OVCH1: variants seen among roughly 807,000 people sequenced by gnomAD.
OVCH1 encodes the protein ovochymase-1.
Under a neutral mutation model 138.4 loss-of-function variants are expected in OVCH1, and 139 were observed. That is an observed-to-expected ratio of 1.00 (90% CI 0.87 to 1.16). The LOEUF is 1.16. OVCH1 is among the 50% of genes most tolerant of loss of function. The pLI, the probability that OVCH1 is intolerant of heterozygous loss-of-function variation, is 0.00. For missense variants in OVCH1, 1,367 were observed against 1,357.9 expected, an observed-to-expected ratio of 1.01 and a Z score of -0.11; for synonymous variants, 453 against 467.8, an observed-to-expected ratio of 0.97 and a Z score of 0.41.
chr12:29,430,942 C>A (rs1592032064), intron 27 of OVCH1: 1 of 515,884 alleles, frequency 1.9e-6, no homozygotes, highest in East Asian at 5.5e-5. Context: ...TGAGTCCAGG[C>A]AGAAACGGTT....
At chr12:29,454,872 G>C in exon 21 of OVCH1, 1 of 1,612,526 alleles carries the variant, frequency 6.2e-7, no homozygotes, top group Non-Finnish European at 8.5e-7. Flanking sequence ...GTGAAGGTGT[G>C]GGTGGTGGCA....
At chr12:29,409,625 A>C (rs1037513650), downstream of OVCH1, among the ~76,000 whole-genome samples, 1 of 151,972 alleles carries the variant, frequency 6.6e-6, no homozygotes, top group Non-Finnish European at 1.5e-5. Flanking sequence ...GTTTTGAGTG[A>C]GTTTCTTAAT....
intron 27 of OVCH1, among the ~76,000 whole-genome samples, chr12:29,432,754 A>G (rs1028253052): frequency 6.6e-6 from 1 of 152,130 alleles, no homozygotes; most frequent in African/African-American, 2.4e-5. Flanking sequence ...GTCCTGGGAT[A>G]CCTCAACTGA....
chr12:29,418,881 T>A (rs1941065577), intron 3 of OVCH1, among the ~76,000 whole-genome samples: 1 of 152,220 alleles, frequency 6.6e-6, no homozygotes, highest in Admixed American at 6.5e-5. Context: ...GAATTAGAGA[T>A]ATGGTATTGC....
At chr12:29,464,612 G>C (rs1942253384) in exon 18 of OVCH1, 4 of 1,613,574 alleles carry the variant, frequency 2.5e-6, no homozygotes, top group Non-Finnish European at 3.4e-6. Context: ...TTGTACTCCA[G>C]AGGAGAGCTT....
chr12:29,484,453 A>G (rs4244847), intron 8 of OVCH1, among the ~76,000 whole-genome samples: 89,194 of 152,002 alleles, frequency 0.59, 26,688 homozygotes, highest in East Asian at 0.74. Context: ...AATATCAGAT[A>G]AAATAGATAC....
At chr12:29,429,320 G>A (rs1017530041) in intron 27 of OVCH1, among the ~76,000 whole-genome samples, 1 of 152,176 alleles carries the variant, frequency 6.6e-6, no homozygotes, top group African/African-American at 2.4e-5. Flanking sequence ...AAAAAGTCAA[G>A]ACAAGCCAGG....
At chr12:29,423,822 C>T (rs559440246), downstream of OVCH1, among the ~76,000 whole-genome samples, 42 of 152,318 alleles carry the variant, frequency 2.8e-4, no homozygotes, top group South Asian at 2.5e-3. Context: ...TTAATCTCTA[C>T]ATCGTCCTTA....
chr12:29,462,872 T>C (rs11050241), intron 18 of OVCH1, among the ~76,000 whole-genome samples: 45,784 of 152,052 alleles, frequency 0.3, 8,256 homozygotes, highest in Middle Eastern at 0.5. Context: ...TGCATTCTTC[T>C]TAATATACTA....
chr12:29,411,578 T>C (rs1049381704), downstream of OVCH1, among the ~76,000 whole-genome samples: 1 of 152,146 alleles, frequency 6.6e-6, no homozygotes, highest in African/African-American at 2.4e-5. Context: ...CTCCAGACCC[T>C]GTTTGCCTGG....
At chr12:29,414,418 A>C (rs1478736614) in intron 3 of OVCH1, among the ~76,000 whole-genome samples, 1 of 152,182 alleles carries the variant, frequency 6.6e-6, no homozygotes, top group Non-Finnish European at 1.5e-5. Context: ...CAATTGATTA[A>C]ATCCCACTGA....
chr12:29,470,466 T>TGG (rs1942466117), intron 16 of OVCH1, among the ~76,000 whole-genome samples: 1 of 152,088 alleles, frequency 6.6e-6, no homozygotes, highest in Non-Finnish European at 1.5e-5. Flanking sequence ...AGAACATGCA[T>TGG]TGTTTGGTTT....
chr12:29,461,228 T>G (rs1020054916), intron 19 of OVCH1, among the ~76,000 whole-genome samples: 3 of 152,200 alleles, frequency 2.0e-5, no homozygotes, highest in African/African-American at 7.2e-5. Context: ...AACCAGGGAT[T>G]GGAGGTAGGC....
At chr12:29,418,583 T>C (rs1352846283) in intron 3 of OVCH1, among the ~76,000 whole-genome samples, 1 of 152,198 alleles carries the variant, frequency 6.6e-6, no homozygotes, top group African/African-American at 2.4e-5. Flanking sequence ...GTTCAAAATA[T>C]AGAAGAGTTA....
intron 21 of OVCH1, among the ~76,000 whole-genome samples, chr12:29,453,716 A>T (rs1245110629): frequency 6.6e-6 from 1 of 152,000 alleles, no homozygotes; most frequent in African/African-American, 2.4e-5. Context: ...ACTTTTTCAC[A>T]TACACTCTGA....
chr12:29,462,590 AT>A (rs1396059808), intron 18 of OVCH1, among the ~76,000 whole-genome samples: 1 of 152,034 alleles, frequency 6.6e-6, no homozygotes, highest in East Asian at 1.9e-4. Context: ...TCATCCTATC[AT>A]TTTAGATTTA....
intron 22 of OVCH1, among the ~76,000 whole-genome samples, chr12:29,448,317 C>A (rs976007016): frequency 4.0e-5 from 6 of 151,354 alleles, no homozygotes. Flanking sequence ...TAGTGGTCTG[C>A]GGCCCGGGGG....
chr12:29,414,745 A>T (rs7298472), intron 3 of OVCH1, among the ~76,000 whole-genome samples: 118,948 of 151,422 alleles, frequency 0.79, 47,023 homozygotes, highest in Middle Eastern at 0.88. Flanking sequence ...GGAAAAAAAA[A>T]ATATATATAC....
chr12:29,466,349 AAAT>A (rs1196580414), intron 16 of OVCH1, among the ~76,000 whole-genome samples: 30 of 144,888 alleles, frequency 2.1e-4, no homozygotes, highest in Admixed American at 5.4e-4. Flanking sequence ...TTTGTTTAAT[AAAT>A]AATAAAAATC....
Sources: gnomAD v4.1 joint callset for allele counts (sites outside exome capture counted in the v4.1 genomes callset) on GRCh38, gnomAD v4.1.1 for gene constraint, MANE v1.5 for transcripts, NCBI Gene and HGNC (gene_info 2026-07-23, HGNC 2026-07-21) for gene names.